Variants in SLC14A2 observed in about 807,000 individuals in gnomAD.
The protein encoded by SLC14A2 is urea transporter 2.
In SLC14A2, 91 loss-of-function variants were observed where a neutral mutation model predicts 104.6. The ratio of observed to expected loss-of-function variants is 0.87; its 90% CI spans 0.73 to 1.04. The LOEUF is 1.04. Ranked by LOEUF, SLC14A2 falls within the 50% of genes least tolerant of loss-of-function variation. SLC14A2 has a pLI of 0.00. For synonymous variants in SLC14A2, 476 were observed against 466.4 expected (o/e 1.02, Z -0.27); for missense variants, 1,189 against 1,156.0 (o/e 1.03, Z -0.41).
rs1277937242 is a variant in SLC14A2, at chr18:45,657,438, G to A, written c.1352-6347G>A. Among the ~76,000 whole-genome samples, 3 of 145,274 alleles carry A rather than the reference G, an allele frequency of 2.1e-5. No individual in the cohort carries two copies. In the Admixed American group the frequency reaches 2.1e-4, roughly 10 times the overall value. On this transcript the variant is annotated intron_variant, in intron 10 of 19. Transcript: ENST00000255226. ...GGAGGCGGAGGTTGCAGTGAGCCGA[G>A]ATCACGCCACTGCACTCCAGTCTGG...
At position 45,342,157 on chromosome 18, in the gene SLC14A2, C is replaced by G. The variant is rs143431403; in HGVS notation, c.-125+128966C>G. On this transcript the variant is annotated intron_variant, in intron 1 of 20. Coordinates refer to the SLC14A2 transcript ENST00000586448. Reference sequence around the variant, plus strand: ...CCCTAGGAACGAGGTTCGGTATTCGCTAATTCAGGATTTATGGCAACATTG... The same window carrying G: ...CCCTAGGAACGAGGTTCGGTATTCGGTAATTCAGGATTTATGGCAACATTG... Among the ~76,000 whole-genome samples the G allele has an allele frequency of 2.9e-3, 439 of 152,208 alleles. 2 individuals are homozygous for G. The highest frequency in any genetic ancestry group is 1.0e-2 in the African/African-American group (415 of 41,526).
At chr18:45,473,752 T>G (rs988473184) in intron 1 of SLC14A2, among the ~76,000 whole-genome samples, 1 of 152,226 alleles carries the variant, frequency 6.6e-6, no homozygotes, top group South Asian at 2.1e-4. Context: ...TTGCTGAAGT[T>G]GCTGATCAGC....
chr18:45,436,213 AAAG>A (rs1488938354), intron 1 of SLC14A2, among the ~76,000 whole-genome samples: 2 of 152,344 alleles, frequency 1.3e-5, no homozygotes, highest in East Asian at 3.9e-4. Flanking sequence ...TTTATGTTAA[AAAG>A]AACAGTCTGT....
intron 16 of SLC14A2, among the ~76,000 whole-genome samples, chr18:45,670,651 C>T (rs1318220876): frequency 2.0e-5 from 3 of 152,066 alleles, no homozygotes; most frequent in Admixed American, 2.0e-4. Context: ...GAAAACTATT[C>T]GATTTTGGGG....
chr18:45,195,712 G>A, the SLC14A2 span, among the ~76,000 whole-genome samples: 1 of 152,074 alleles, frequency 6.6e-6, no homozygotes, highest in Non-Finnish European at 1.5e-5. Flanking sequence ...TTCTTATCTG[G>A]CATGCGGGGA....
intron 2 of SLC14A2, among the ~76,000 whole-genome samples, chr18:45,586,024 G>A (rs988552326): frequency 7.9e-5 from 12 of 152,168 alleles, no homozygotes; most frequent in African/African-American, 2.9e-4. Flanking sequence ...ACAAGACAAA[G>A]TGCCCTCTGC....
At chr18:45,648,004 G>A (rs1410540117) in intron 10 of SLC14A2, 2 of 151,374 alleles carry the variant, frequency 1.3e-5, no homozygotes, top group Non-Finnish European at 2.9e-5. Flanking sequence ...TTTGTATATG[G>A]GGTCTTAATT....
intron 2 of SLC14A2, among the ~76,000 whole-genome samples, chr18:45,591,356 G>A (rs1216942149): frequency 6.7e-6 from 1 of 149,818 alleles, no homozygotes; most frequent in Non-Finnish European, 1.5e-5. Context: ...GTTTTTTTGA[G>A]ATGGAGTCTC....
intron 1 of SLC14A2, among the ~76,000 whole-genome samples, chr18:45,380,970 T>C (rs1486258836): frequency 1.3e-5 from 2 of 152,240 alleles, no homozygotes; most frequent in Admixed American, 6.5e-5. Context: ...TTGATAAATA[T>C]GTAGCTCCTT....
At chr18:45,280,787 C>A (rs1423857693) in intron 1 of SLC14A2, among the ~76,000 whole-genome samples, 2 of 152,144 alleles carry the variant, frequency 1.3e-5, no homozygotes, top group African/African-American at 2.4e-5. Context: ...TGGCTTTTGA[C>A]CCCTGCCTTT....
intron 2 of SLC14A2, among the ~76,000 whole-genome samples, chr18:45,523,653 A>G (rs2043550011): frequency 6.6e-6 from 1 of 151,486 alleles, no homozygotes; most frequent in African/African-American, 2.4e-5. Flanking sequence ...TCATTCTTTA[A>G]CCCCACGAAA....
chr18:45,214,914 T>TAAAAAAAAAAAAAA (rs11332986), intron 1 of SLC14A2, among the ~76,000 whole-genome samples: 3 of 113,900 alleles, frequency 2.6e-5, no homozygotes, highest in Non-Finnish European at 5.4e-5. Flanking sequence ...ACCATGTCTT[T>TAAAAAAAAAAAAAA]AAAAAAAAAA....
Position 45,423,874 on chromosome 18 carries a change from T to G in SLC14A2, c.-124-59359T>G, listed in dbSNP as rs116551639. ...GCTGGTGCTTGAGTGCTGCATTTTTTATTTACCTTGTCAGACAGCATCATT... is the reference window on the plus strand; with the variant it reads ...GCTGGTGCTTGAGTGCTGCATTTTTGATTTACCTTGTCAGACAGCATCATT... On this transcript the variant is annotated intron_variant, in intron 1 of 20. Coordinates refer to the SLC14A2 transcript ENST00000586448. 5.0e-3 allele frequency: 762 copies of G among 152,332 alleles called. 7 individuals are homozygous for G. Among genetic ancestry groups the G allele is most frequent in the African/African-American group, 0.018 (728 of 41,568 alleles). The allele number at this position is 152,332 out of a possible 1,614,324, so 9.4% of individuals were successfully genotyped here. A position where few individuals can be genotyped will look rare whatever the true frequency, so the allele number is the denominator to read the frequency against.
At chr18:45,505,837 C>T (rs1291999670) in intron 2 of SLC14A2, among the ~76,000 whole-genome samples, 1 of 152,178 alleles carries the variant, frequency 6.6e-6, no homozygotes, top group Non-Finnish European at 1.5e-5. Flanking sequence ...CAAAGCCTAG[C>T]CTTGCCTCCT....
chr18:45,495,768 T>C (rs899706395), intron 2 of SLC14A2, among the ~76,000 whole-genome samples: 1 of 152,088 alleles, frequency 6.6e-6, no homozygotes, highest in Admixed American at 6.5e-5. Flanking sequence ...GAGAAGCCAG[T>C]TAAATTTGGG....
intron 2 of SLC14A2, among the ~76,000 whole-genome samples, chr18:45,521,721 C>T (rs2098103374): frequency 6.6e-6 from 1 of 152,022 alleles, no homozygotes; most frequent in Non-Finnish European, 1.5e-5. Context: ...ATTTAATGTG[C>T]ATCAGAATCA....
At chr18:45,195,361 G>T in the SLC14A2 span, among the ~76,000 whole-genome samples, 2 of 152,166 alleles carry the variant, frequency 1.3e-5, no homozygotes, top group East Asian at 1.9e-4. Context: ...TGCTAAAAAG[G>T]TTGAAGCAGA....
intron 1 of SLC14A2, among the ~76,000 whole-genome samples, chr18:45,287,197 G>C (rs2084823297): frequency 6.6e-6 from 1 of 152,232 alleles, no homozygotes; most frequent in Non-Finnish European, 1.5e-5. Context: ...ATGGATGAAG[G>C]ATAGCTGCAC....
intron 1 of SLC14A2, among the ~76,000 whole-genome samples, chr18:45,257,235 ACT>A (rs1317778869): frequency 6.6e-6 from 1 of 152,144 alleles, no homozygotes; most frequent in Non-Finnish European, 1.5e-5. Context: ...GGATCCATTG[ACT>A]CTATAAAGTG....
Sources: gnomAD v4.1 joint callset for allele counts (sites outside exome capture counted in the v4.1 genomes callset) on GRCh38, gnomAD v4.1.1 for gene constraint, MANE v1.5 for transcripts, NCBI Gene and HGNC (gene_info 2026-07-23, HGNC 2026-07-21) for gene names.